Variants in SFXN5 observed in about 807,000 individuals in gnomAD.
SFXN5 encodes the protein sideroflexin-5.
In SFXN5, 43 loss-of-function variants were observed where a neutral mutation model predicts 50.2. The ratio of observed to expected loss-of-function variants is 0.86; its 90% CI spans 0.67 to 1.11. SFXN5 has a LOEUF of 1.11. Among genes scored for constraint, SFXN5 ranks in the 50% least tolerant of loss-of-function variants. The pLI is 0.00. For synonymous variants in SFXN5, 203 were observed against 185.8 expected (o/e 1.09, Z -0.75); for missense variants, 463 against 454.1 (o/e 1.02, Z -0.18).
intron 3 of SFXN5, among the ~76,000 whole-genome samples, chr2:73,033,627 G>A (rs1478350944): frequency 6.6e-6 from 1 of 152,210 alleles, no homozygotes; most frequent in African/African-American, 2.4e-5. Context: ...GGCCTGTCTG[G>A]TATGTTTGAG....
chr2:73,012,659 CA>C (rs1675667497), intron 6 of SFXN5, among the ~76,000 whole-genome samples: 1 of 126,126 alleles, frequency 7.9e-6, no homozygotes, highest in Non-Finnish European at 1.6e-5. Context: ...AACACACACA[CA>C]CACACACACA....
At chr2:73,056,689 A>G (rs1682177242) in intron 2 of SFXN5, among the ~76,000 whole-genome samples, 1 of 151,944 alleles carries the variant, frequency 6.6e-6, no homozygotes, top group Non-Finnish European at 1.5e-5. Context: ...CCGTCTCAAA[A>G]AAAAAAAAAA....
chr2:73,035,056 CTCT>C, intron 3 of SFXN5, among the ~76,000 whole-genome samples: 1 of 152,218 alleles, frequency 6.6e-6, no homozygotes, highest in Admixed American at 6.5e-5. Flanking sequence ...ATAATGCAAC[CTCT>C]CTGAGTCTCA....
chr2:72,974,985 T>C (rs538689644), intron 10 of SFXN5, among the ~76,000 whole-genome samples: 1 of 152,290 alleles, frequency 6.6e-6, no homozygotes, highest in East Asian at 1.9e-4. Flanking sequence ...CTGTTAGTGA[T>C]GATGTTAAGA....
At chr2:73,051,801 A>G (rs1226082087) in intron 2 of SFXN5, among the ~76,000 whole-genome samples, 2 of 152,204 alleles carry the variant, frequency 1.3e-5, no homozygotes, top group African/African-American at 2.4e-5. Flanking sequence ...GTGTCTGGTG[A>G]GGTCTGCATC....
intron 13 of SFXN5, among the ~76,000 whole-genome samples, chr2:72,958,201 C>T (rs1234014555): frequency 6.6e-6 from 1 of 152,192 alleles, no homozygotes; most frequent in Non-Finnish European, 1.5e-5. Flanking sequence ...CCGTTTCCTA[C>T]CACCCACCAC....
At chr2:72,988,725 G>GT (rs1332502812) in intron 9 of SFXN5, among the ~76,000 whole-genome samples, 2 of 152,140 alleles carry the variant, frequency 1.3e-5, no homozygotes, top group African/African-American at 2.4e-5. Context: ...AATAAATGAA[G>GT]TGTAGGAAGG....
At chr2:73,015,157 A>G (rs1034251530) in intron 6 of SFXN5, among the ~76,000 whole-genome samples, 1 of 152,210 alleles carries the variant, frequency 6.6e-6, no homozygotes, top group Admixed American at 6.5e-5. Flanking sequence ...TTTTATCATA[A>G]TAATTACCGT....
intron 12 of SFXN5, among the ~76,000 whole-genome samples, chr2:72,963,390 G>T (rs1270371098): frequency 1.3e-5 from 2 of 152,166 alleles, no homozygotes; most frequent in Non-Finnish European, 2.9e-5. Context: ...CAGGGTGGCT[G>T]GCTGAAGTAC....
Position 73,047,777 on chromosome 2 carries a change from T to C in SFXN5, c.172-6846A>G, listed in dbSNP as rs552678929. Among the ~76,000 whole-genome samples the C allele has an allele frequency of 8.1e-4, 124 of 152,292 alleles. 2 individuals are homozygous for C. The highest frequency in any genetic ancestry group is 2.8e-3 in the African/African-American group (118 of 41,570). ...TTACCCAGTCTTGAGTATGTCCTTA[T>C]TAGCAGCATGAGAACAGACTAATAC... On this transcript the variant is annotated intron_variant, in intron 2 of 13. Coordinates refer to ENST00000272433, the MANE Select transcript of SFXN5 (RefSeq NM_144579.3).
At chr2:73,064,655 C>T (rs1683048890) in intron 1 of SFXN5, among the ~76,000 whole-genome samples, 1 of 152,224 alleles carries the variant, frequency 6.6e-6, no homozygotes. Flanking sequence ...CATTTGTCTG[C>T]CCAGCAAGCT....
intron 8 of SFXN5, 52 bp downstream of exon 8, chr2:73,000,379 T>A: frequency 6.5e-7 from 1 of 1,530,216 alleles, no homozygotes; most frequent in Non-Finnish European, 8.9e-7. Flanking sequence ...GGAGGATGAC[T>A]GGGCCTCCCT....
chr2:73,008,193 C>CAG (rs1433662248), intron 6 of SFXN5, among the ~76,000 whole-genome samples: 1 of 152,212 alleles, frequency 6.6e-6, no homozygotes, highest in Non-Finnish European at 1.5e-5. Context: ...GTGCAAAGTA[C>CAG]AGAGTCCAAG....
intron 3 of SFXN5, among the ~76,000 whole-genome samples, chr2:73,027,101 G>A (rs1262091360): frequency 1.3e-5 from 2 of 152,228 alleles, no homozygotes; most frequent in African/African-American, 4.8e-5. Context: ...ACAGCCTCAG[G>A]CAGGCCCTTC....
chr2:73,034,100 A>C (rs1678661078), intron 3 of SFXN5, among the ~76,000 whole-genome samples: 1 of 152,234 alleles, frequency 6.6e-6, no homozygotes. Context: ...GTATAGGCAG[A>C]TCATCCAGGA....
At chr2:72,963,130 G>C (rs1350702633) in intron 12 of SFXN5, among the ~76,000 whole-genome samples, 1 of 152,202 alleles carries the variant, frequency 6.6e-6, no homozygotes, top group East Asian at 1.9e-4. Flanking sequence ...GGCCCTGCTT[G>C]GAGGAGGCTG....
chr2:73,071,398 C>T, intron 1 of SFXN5: 1 of 571,972 alleles, frequency 1.7e-6, no homozygotes, highest in South Asian at 2.1e-5. Context: ...CGCCAAGGGC[C>T]AATAGGAAGC....
intron 3 of SFXN5, among the ~76,000 whole-genome samples, chr2:73,038,551 C>T (rs1186912755): frequency 6.6e-6 from 1 of 152,142 alleles, no homozygotes; most frequent in Non-Finnish European, 1.5e-5. Context: ...AACACTTAAG[C>T]CTGAGAGTTT....
chr2:73,053,961 G>A (rs1057109430), intron 2 of SFXN5, among the ~76,000 whole-genome samples: 9 of 152,212 alleles, frequency 5.9e-5, no homozygotes, highest in African/African-American at 2.2e-4. Flanking sequence ...TTGAGGGGGA[G>A]CCTGGCCCTC....
Sources: gnomAD v4.1 joint callset for allele counts (sites outside exome capture counted in the v4.1 genomes callset) on GRCh38, gnomAD v4.1.1 for gene constraint, MANE v1.5 for transcripts, NCBI Gene and HGNC (gene_info 2026-07-23, HGNC 2026-07-21) for gene names.